ADAMTSL3: variants seen among roughly 807,000 people sequenced by gnomAD.
ADAMTSL3 encodes the protein ADAMTS-like protein 3.
Under a neutral mutation model 201.7 loss-of-function variants are expected in ADAMTSL3, and 128 were observed. The ratio of observed to expected loss-of-function variants is 0.63; its 90% CI spans 0.55 to 0.73. The LOEUF (loss-of-function observed/expected upper bound fraction) is 0.73, where lower values mean the gene tolerates loss of function less well. Among genes scored for constraint, ADAMTSL3 ranks in the 30% least tolerant of loss-of-function variants. The pLI is 0.00. For synonymous variants in ADAMTSL3, 738 were observed against 748.4 expected, an observed-to-expected ratio of 0.99 and a Z score of 0.23; for missense variants, 1,990 against 2,119.6, an observed-to-expected ratio of 0.94 and a Z score of 1.20.
chr15:83,780,179 G>T (rs2141781209), intron 4 of ADAMTSL3, among the ~76,000 whole-genome samples: 1 of 152,260 alleles, frequency 6.6e-6, no homozygotes, highest in South Asian at 2.1e-4. Flanking sequence ...GGAGGCTGAG[G>T]CGGGTGGATC....
At chr15:83,755,612 AAAT>A (rs1355252748) in intron 3 of ADAMTSL3, among the ~76,000 whole-genome samples, 1 of 152,238 alleles carries the variant, frequency 6.6e-6, no homozygotes, top group Non-Finnish European at 1.5e-5. Context: ...TTCTGAAGCT[AAAT>A]AATATTCCAC....
intron 3 of ADAMTSL3, among the ~76,000 whole-genome samples, chr15:83,737,505 C>T (rs1017080150): frequency 6.6e-6 from 1 of 152,134 alleles, no homozygotes; most frequent in African/African-American, 2.4e-5. Context: ...TGCCTGCCAC[C>T]ACGTATGACA....
At chr15:83,769,978 G>A (rs961750969) in intron 3 of ADAMTSL3, among the ~76,000 whole-genome samples, 2 of 151,988 alleles carry the variant, frequency 1.3e-5, no homozygotes, top group African/African-American at 2.4e-5. Flanking sequence ...CCAAGAATAT[G>A]TGGTTTTTGT....
chr15:83,960,940 A>C (rs569661433), intron 19 of ADAMTSL3, among the ~76,000 whole-genome samples: 2 of 152,328 alleles, frequency 1.3e-5, no homozygotes, highest in South Asian at 4.1e-4. Context: ...AATGGAGCAT[A>C]AAGCAAGAGT....
At chr15:83,857,806 CA>C (rs1415429736) in intron 7 of ADAMTSL3, among the ~76,000 whole-genome samples, 1 of 151,660 alleles carries the variant, frequency 6.6e-6, no homozygotes, top group Non-Finnish European at 1.5e-5. Context: ...AGAGTTTATC[CA>C]AAAAAAATTG....
intron 19 of ADAMTSL3, among the ~76,000 whole-genome samples, chr15:83,952,287 T>G (rs1163525982): frequency 6.6e-6 from 1 of 152,348 alleles, no homozygotes; most frequent in African/African-American, 2.4e-5. Flanking sequence ...TGTTATTGAT[T>G]TCTAATTTCA....
chr15:83,830,182 G>T (rs1001411565), intron 6 of ADAMTSL3, among the ~76,000 whole-genome samples: 2 of 152,118 alleles, frequency 1.3e-5, no homozygotes, highest in Non-Finnish European at 2.9e-5. Context: ...TGATGAGCTG[G>T]GCGTGCCTGT....
chr15:83,921,472 G>T (rs941953505), intron 16 of ADAMTSL3, among the ~76,000 whole-genome samples: 3 of 152,016 alleles, frequency 2.0e-5, no homozygotes, highest in Non-Finnish European at 2.9e-5. Flanking sequence ...TCTGACTATG[G>T]ATTTTAAAAA....
intron 9 of ADAMTSL3, among the ~76,000 whole-genome samples, chr15:83,878,112 T>A (rs2065209860): frequency 6.6e-6 from 1 of 152,174 alleles, no homozygotes; most frequent in African/African-American, 2.4e-5. Flanking sequence ...GATATTTTAT[T>A]TGGTGAAAGA....
chr15:83,861,797 A>G, intron 8 of ADAMTSL3: 1 of 152,238 alleles, frequency 6.6e-6, no homozygotes, highest in Middle Eastern at 3.2e-3. Flanking sequence ...TTGAGAGAAG[A>G]AGGCTTCAGA....
At chr15:83,675,034 T>C (rs929273354) in intron 2 of ADAMTSL3, among the ~76,000 whole-genome samples, 2 of 151,960 alleles carry the variant, frequency 1.3e-5, no homozygotes, top group African/African-American at 4.8e-5. Context: ...TTTCATTTCA[T>C]TACCCATCTG....
intron 4 of ADAMTSL3, among the ~76,000 whole-genome samples, chr15:83,803,423 T>C (rs1328493520): frequency 6.6e-6 from 1 of 152,204 alleles, no homozygotes; most frequent in African/African-American, 2.4e-5. Context: ...ATAAATATTT[T>C]AATAACAATT....
chr15:83,777,719 T>A (rs1019556177), intron 4 of ADAMTSL3, among the ~76,000 whole-genome samples: 1 of 152,182 alleles, frequency 6.6e-6, no homozygotes, highest in Non-Finnish European at 1.5e-5. Flanking sequence ...AGCACCTTCT[T>A]TCCAACAGAT....
intron 7 of ADAMTSL3, among the ~76,000 whole-genome samples, chr15:83,849,085 G>C (rs1200738659): frequency 6.6e-6 from 1 of 152,136 alleles, no homozygotes. Flanking sequence ...TGAGCCTACT[G>C]TTAGCGACAC....
chr15:83,940,964 T>C (rs2066547509), intron 17 of ADAMTSL3, among the ~76,000 whole-genome samples: 1 of 152,134 alleles, frequency 6.6e-6, no homozygotes, highest in Non-Finnish European at 1.5e-5. Context: ...TAGAAAGTTA[T>C]CTATTTTACC....
chr15:83,933,106 A>C (rs928648610), intron 17 of ADAMTSL3, among the ~76,000 whole-genome samples: 1 of 152,240 alleles, frequency 6.6e-6, no homozygotes, highest in Non-Finnish European at 1.5e-5. Context: ...TAGAATATCT[A>C]GAAGTTAAAA....
intron 4 of ADAMTSL3, among the ~76,000 whole-genome samples, 198 bp from the exon 5 acceptor site, chr15:83,804,452 C>G (rs930860151): frequency 1.3e-5 from 2 of 152,012 alleles, no homozygotes; most frequent in Non-Finnish European, 2.9e-5. Context: ...TTTAATGTGA[C>G]ACTTCCACAA....
intron 17 of ADAMTSL3, among the ~76,000 whole-genome samples, chr15:83,931,880 T>G (rs1422543191): frequency 2.6e-5 from 4 of 151,974 alleles, no homozygotes; most frequent in Non-Finnish European, 5.9e-5. Flanking sequence ...GGGAAGAAAA[T>G]TAAGAAATAT....
chr15:83,830,158 G>T (rs775729768), intron 6 of ADAMTSL3, among the ~76,000 whole-genome samples: 43 of 152,258 alleles, frequency 2.8e-4, no homozygotes, highest in Non-Finnish European at 3.2e-4. Flanking sequence ...AGAACAGGGG[G>T]CATGGGGCAA....
Sources: gnomAD v4.1 joint callset for allele counts (sites outside exome capture counted in the v4.1 genomes callset) on GRCh38, gnomAD v4.1.1 for gene constraint, MANE v1.5 for transcripts, NCBI Gene and HGNC (gene_info 2026-07-23, HGNC 2026-07-21) for gene names.